The following CASK variants were observed in gnomAD, a reference collection of about 807,000 sequenced individuals.
CASK encodes calcium/calmodulin dependent serine protein kinase.
CASK carries 4 observed loss-of-function variants against 82.9 expected under a neutral mutation model. The observed-to-expected ratio is 0.05, with a 90% CI of 0.02 to 0.11. The LOEUF (loss-of-function observed/expected upper bound fraction) is 0.11. Among genes scored for constraint, CASK ranks in the 10% least tolerant of loss-of-function variants. The pLI, the probability that CASK is intolerant of heterozygous loss-of-function variation, is 1.00. For missense variants in CASK, 358 were observed against 720.9 expected, an observed-to-expected ratio of 0.50 and a Z score of 5.76; for synonymous variants, 259 against 253.5, an observed-to-expected ratio of 1.02 and a Z score of -0.20.
At chrX:41,569,877 GAGA>G (rs2065382411) in intron 15 of CASK, 131 bp from the exon 16 acceptor site, 2 of 471,155 alleles carry the variant, frequency 4.2e-6, no homozygotes, top group East Asian at 7.6e-5. Context: ...ATGGAAAATG[GAGA>G]AGACCATCCA....
At chrX:41,624,692 TTG>T (rs771388078) in intron 10 of CASK, among the ~76,000 whole-genome samples, 4 of 111,213 alleles carry the variant, frequency 3.6e-5, no homozygotes, top group African/African-American at 1.3e-4. Flanking sequence ...TGGTAAGAAA[TTG>T]TGTGTGTGTG....
At chrX:41,790,011 C>T (rs777706508) in intron 2 of CASK, among the ~76,000 whole-genome samples, 3 of 111,701 alleles carry the variant, frequency 2.7e-5, no homozygotes, top group Non-Finnish European at 5.6e-5. Flanking sequence ...CTCACTGTAG[C>T]CTCCACCTCC....
chrX:41,833,035 G>A (rs2070855074), intron 2 of CASK, among the ~76,000 whole-genome samples: 1 of 112,072 alleles, frequency 8.9e-6, no homozygotes, highest in South Asian at 3.7e-4. Flanking sequence ...AGAGTGTTGC[G>A]TTGTCCGACC....
At chrX:41,702,296 A>G (rs1464346661) in intron 5 of CASK, among the ~76,000 whole-genome samples, 1 of 109,399 alleles carries the variant, frequency 9.1e-6, no homozygotes, top group Non-Finnish European at 1.9e-5. Context: ...GAGGCAGGAG[A>G]ATCGCTTGAA....
Position 41,864,669 on chromosome X carries a change from T to C in CASK, c.60-11442A>G, listed in dbSNP as rs189278025. ...GCATGGAAATTGTCAATTAAATTCT[T>C]ATGGGGGGTAATCCAATTGTTTGCT... On this transcript the variant is annotated intron_variant, in intron 1 of 26. Transcript: ENST00000378163. Among the ~76,000 whole-genome samples the C allele has an allele frequency of 1.2e-3, 135 of 112,308 alleles. 2 individuals are homozygous for C. Among genetic ancestry groups the C allele is most frequent in the African/African-American group, 4.2e-3 (131 of 30,937 alleles).
intron 12 of CASK, among the ~76,000 whole-genome samples, chrX:41,602,998 C>A (rs908758020): frequency 9.0e-6 from 1 of 111,434 alleles, no homozygotes; most frequent in African/African-American, 3.3e-5. Flanking sequence ...GCACAAAGAC[C>A]ACCACCACTG....
intron 8 of CASK, among the ~76,000 whole-genome samples, chrX:41,639,262 C>T (rs150583011): frequency 0.039 from 4,228 of 108,894 alleles, 69 homozygotes; most frequent in Non-Finnish European, 0.062. Flanking sequence ...TTAGTAGAGA[C>T]GGGGTTTCAC....
rs775238976 is a variant in CASK at position 41,906,940 on chromosome X, G to A, written c.59+15990C>T. Among the ~76,000 whole-genome samples, 3 of 112,848 alleles carry A rather than the reference G, an allele frequency of 2.7e-5. No homozygotes were observed. In the East Asian group the frequency reaches 8.3e-4, roughly 31 times the overall value. On this transcript the variant is annotated intron_variant, in intron 1 of 26. Coordinates refer to ENST00000378163, the MANE Select transcript of CASK (RefSeq NM_001367721.1). ...AAAGCTCAAATTTTCCAGTAGATAG[G>A]TTGCCTTTGGCGACAGACCTAAGTA...
At chrX:41,740,691 A>T (rs2068582682) in intron 4 of CASK, among the ~76,000 whole-genome samples, 1 of 111,768 alleles carries the variant, frequency 8.9e-6, no homozygotes, top group South Asian at 3.7e-4. Context: ...TTGTTCCTGT[A>T]CTAATCACAA....
At chrX:41,654,509 A>G (rs956223165) in intron 8 of CASK, among the ~76,000 whole-genome samples, 2 of 109,825 alleles carry the variant, frequency 1.8e-5, no homozygotes, top group Non-Finnish European at 3.8e-5. Flanking sequence ...CCTCTCTAAT[A>G]AAAATACAAA....
At chrX:41,737,438 A>G (rs1404609632) in intron 5 of CASK, among the ~76,000 whole-genome samples, 1 of 112,145 alleles carries the variant, frequency 8.9e-6, no homozygotes. Flanking sequence ...TACAGTAGAT[A>G]AGAGATACCG....
chrX:41,602,153 A>T (rs957744336), intron 12 of CASK, among the ~76,000 whole-genome samples: 5 of 111,902 alleles, frequency 4.5e-5, no homozygotes, highest in African/African-American at 1.3e-4. Context: ...CTACAAAGAA[A>T]TCCTACTGGG....
chrX:41,609,968 C>A lies in CASK; in HGVS notation c.1091G>T (p.Ser364Ile), dbSNP rs773896501. 1 of 1,208,804 alleles carries A rather than the reference C, an allele frequency of 8.3e-7. No homozygotes were observed. Among genetic ancestry groups the A allele is most frequent in the Non-Finnish European group, 1.1e-6 (1 of 892,565 alleles). Residue 364 changes from serine (S) to isoleucine (I), a missense_variant, in exon 12 of 27, where the codon AGT becomes ATT. Ser to Ile is a moderately radical substitution (Grantham distance 142, BLOSUM62 -2). Around this residue, in one of 5 missense-constraint regions of CASK, gnomAD observed 110 missense variants for 218.8 expected, o/e 0.50. Coordinates refer to ENST00000378163, the MANE Select transcript of CASK (RefSeq NM_001367721.1). ...GTGTAGAAAATCTAGGTCCTTTTCA[C>A]TGCAGTCTGTAAGCGCATGAATCTC... ...LEEIHALTDC[S>I]EKDLDFLHSV...
At chrX:41,557,653 C>CT (rs1200095572) in intron 18 of CASK, among the ~76,000 whole-genome samples, 1 of 111,094 alleles carries the variant, frequency 9.0e-6, no homozygotes, top group Non-Finnish European at 1.9e-5. Context: ...GAGAAGAACT[C>CT]TTTTTTTAAG....
intron 22 of CASK, among the ~76,000 whole-genome samples, chrX:41,537,930 G>A (rs771259808): frequency 1.8e-5 from 2 of 108,268 alleles, no homozygotes; most frequent in Non-Finnish European, 3.8e-5. Flanking sequence ...CAGCCTCCGC[G>A]GACCTCCCGG....
chrX:41,895,186 T>C (rs2072251065), intron 1 of CASK, among the ~76,000 whole-genome samples: 1 of 111,655 alleles, frequency 9.0e-6, no homozygotes, highest in Non-Finnish European at 1.9e-5. Flanking sequence ...CCAAATACTT[T>C]ACCAACGAGG....
chrX:41,885,862 G>T (rs890870752), intron 1 of CASK, among the ~76,000 whole-genome samples: 1 of 111,880 alleles, frequency 8.9e-6, no homozygotes, highest in Admixed American at 9.5e-5. Context: ...ATTCATGGAA[G>T]AATTCAGTTT....
chrX:41,596,012 T>C (rs947649988), intron 12 of CASK, among the ~76,000 whole-genome samples: 3 of 110,148 alleles, frequency 2.7e-5, no homozygotes, highest in African/African-American at 9.9e-5. Context: ...CTGGCCAACA[T>C]GATGAAACCC....
chrX:41,517,756 T>C lies in CASK; in HGVS notation c.*2664A>G, dbSNP rs147899054. On this transcript the variant is annotated 3_prime_UTR_variant, in exon 27 of 27. Coordinates refer to ENST00000378163, the MANE Select transcript of CASK (RefSeq NM_001367721.1). ...TTTTCTCTGATTGCTTAGTGGACAA[T>C]TGTAATGTAGCAGTAGCAGCAGCAG... is the stretch of plus-strand genomic sequence containing the variant. 711 of 731,140 alleles carry C rather than the reference T, an allele frequency of 9.7e-4. 4 individuals carry two copies. The African/African-American group carries it at 0.015, about 16-fold the overall frequency. The allele number at this position is 731,140 out of a possible 1,213,427, so 60.3% of individuals were successfully genotyped here.
Sources: gnomAD v4.1 joint callset for allele counts (sites outside exome capture counted in the v4.1 genomes callset) on GRCh38, gnomAD v4.1.1 for gene constraint, gnomAD v4.1.1 regional missense constraint, MANE v1.5 for transcripts, NCBI Gene and HGNC (gene_info 2026-07-23, HGNC 2026-07-21) for gene names.